The following LATS2 variants were observed in gnomAD, a reference collection of about 807,000 sequenced individuals.
LATS2 encodes large tumor suppressor kinase 2.
LATS2 carries 24 observed loss-of-function variants against 76.0 expected under a neutral mutation model. That is an observed-to-expected ratio of 0.32 (90% confidence interval 0.23 to 0.44). The LOEUF (loss-of-function observed/expected upper bound fraction) is 0.44. Ranked by LOEUF, LATS2 falls within the 20% of genes least tolerant of loss-of-function variation. The probability of loss-of-function intolerance (pLI) is 1.00; values close to 1 mark genes in which losing one functional copy is unlikely to be tolerated. For missense variants in LATS2, 1,286 were observed against 1,481.2 expected (o/e 0.87, Z 2.16); for synonymous variants, 692 against 635.4 (o/e 1.09, Z -1.34).
intron 2 of LATS2, among the ~76,000 whole-genome samples, chr13:21,025,829 G>A (rs932367986): frequency 4.6e-5 from 7 of 152,224 alleles, no homozygotes; most frequent in African/African-American, 1.7e-4. Flanking sequence ...GCAGAGCTGT[G>A]GAGATGCTAC....
At chr13:21,031,169 A>G (rs1872519269) in intron 2 of LATS2, among the ~76,000 whole-genome samples, 1 of 152,216 alleles carries the variant, frequency 6.6e-6, no homozygotes, top group South Asian at 2.1e-4. Flanking sequence ...TAAATATGAT[A>G]GGCCTAGGAG....
Position 20,974,991 on chromosome 13 carries a change from T to C in LATS2, c.3146A>G (p.Asn1049Ser). ...EFTFRRFFDD[N>S]GYPFRCPKPS... ...CTTTGGGCATCGAAAGGGGTAGCCA[T>C]TGTCATCAAAGAACCTTCGGAAGGT... Residue 1049 changes from asparagine to serine, a missense_variant, in exon 8 of 8, where the codon AAT (asparagine) becomes AGT (serine). Asn to Ser is a conservative substitution (Grantham distance 46). Around this residue, in one of 5 missense-constraint regions of LATS2, gnomAD observed 210 missense variants for 234.9 expected, o/e 0.89. Coordinates refer to ENST00000382592, the MANE Select transcript of LATS2 (RefSeq NM_014572.3). 6.2e-7 allele frequency: 1 copy of C among 1,614,224 alleles called. No homozygotes were observed. Among genetic ancestry groups the C allele is most frequent in the Non-Finnish European group, 8.5e-7 (1 of 1,180,044 alleles).
chr13:21,002,197 G>A (rs113653322), intron 2 of LATS2, among the ~76,000 whole-genome samples: 4,154 of 152,026 alleles, frequency 0.027, 193 homozygotes, highest in African/African-American at 0.095. Context: ...ACACGTGTGA[G>A]CCACTGCGCC....
At chr13:21,032,542 A>T (rs978591077) in intron 2 of LATS2, among the ~76,000 whole-genome samples, 1 of 152,140 alleles carries the variant, frequency 6.6e-6, no homozygotes, top group African/African-American at 2.4e-5. Context: ...CTGGGATTAT[A>T]GGGGTGAGCC....
intron 2 of LATS2, among the ~76,000 whole-genome samples, chr13:21,027,968 T>C (rs1425247886): frequency 6.6e-6 from 1 of 152,094 alleles, no homozygotes. Context: ...TTAGGGTACA[T>C]GTGCACAATG....
At chr13:20,975,979 G>A (rs1339547892) in intron 7 of LATS2, among the ~76,000 whole-genome samples, 2 of 152,140 alleles carry the variant, frequency 1.3e-5, no homozygotes, top group Non-Finnish European at 2.9e-5. Flanking sequence ...CCATCATGAC[G>A]CTCATTCAAA....
At position 21,045,699 on chromosome 13, in the gene LATS2, C is replaced by T. The variant is rs746455173; in HGVS notation, c.328G>A (p.Ala110Thr). The T allele has an allele frequency of 1.9e-6, 3 of 1,613,618 alleles. No individual in the cohort carries two copies. Among genetic ancestry groups the T allele is most frequent in the African/African-American group, 2.7e-5 (2 of 75,052 alleles). ...NRQMLQELVNAGCDQEMAGRA... is the reference protein window; with the variant it reads ...NRQMLQELVNTGCDQEMAGRA... ...TCTGTACCCACCTGGTCGCATCCTGCGTTCACCAGTTCCTGCAGCATTTGC... is the reference window on the plus strand; with the variant it reads ...TCTGTACCCACCTGGTCGCATCCTGTGTTCACCAGTTCCTGCAGCATTTGC... Residue 110 changes from alanine to threonine, a missense_variant, in exon 2 of 8, where the codon GCA becomes ACA. This residue lies in a region of LATS2 where 101 missense variants were observed against 141.4 expected (regional missense o/e 0.71). Transcript: ENST00000382592.
intron 2 of LATS2, among the ~76,000 whole-genome samples, chr13:21,030,718 G>A (rs1160252150): frequency 6.6e-6 from 1 of 150,998 alleles, no homozygotes; most frequent in Non-Finnish European, 1.5e-5. Context: ...TATCAATAAA[G>A]TATTGTTTTT....
intron 6 of LATS2, among the ~76,000 whole-genome samples, chr13:20,980,659 C>A (rs1033239283): frequency 6.6e-6 from 1 of 152,200 alleles, no homozygotes; most frequent in African/African-American, 2.4e-5. Context: ...TAGACCTTCA[C>A]TGGGCACCAA....
At chr13:20,993,204 C>A (rs1358539450) in intron 2 of LATS2, among the ~76,000 whole-genome samples, 6 of 152,188 alleles carry the variant, frequency 3.9e-5, no homozygotes, top group Admixed American at 3.9e-4. Context: ...CTGGATAGGG[C>A]ATTGTGGTGC....
chr13:21,056,149 TG>T lies in LATS2; in HGVS notation c.-205+5196del, dbSNP rs199759999. Among the ~76,000 whole-genome samples, 468 of 151,452 alleles carry T rather than the reference TG, an allele frequency of 3.1e-3. 3 individuals are homozygous for T. The highest frequency in any genetic ancestry group is 4.0e-3 in the Non-Finnish European group (269 of 67,782). On this transcript the variant is annotated intron_variant, in intron 1 of 7. Transcript: ENST00000382592. The stretch of plus-strand genomic sequence containing the variant: ...GGTAGAATTGGGTCTTTTTTTTTGG[TG>T]GGGGGGGCAGGGTCTCACTCTGGTT...
Position 20,988,097 on chromosome 13 carries a change from G to C in LATS2, c.1683C>G (p.Ala561=). Residue 561 remains alanine, a synonymous_variant, in exon 4 of 8, where the codon GCC becomes GCG. Coordinates refer to ENST00000382592, the MANE Select transcript of LATS2 (RefSeq NM_014572.3). The stretch of plus-strand genomic sequence containing the variant: ...TATCCTTTCCGCCTTTGTCCCCCTT[G>C]GCGCTTTTGCGGCTCTTGTCGCCGC... ...PEGGDKSRKS[A]KGDKGGKDKK... 6.2e-7 allele frequency: 1 copy of C among 1,614,262 alleles called. No homozygotes were observed. The highest frequency in any genetic ancestry group is 1.7e-5 in the Admixed American group (1 of 60,034).
intron 2 of LATS2, among the ~76,000 whole-genome samples, chr13:21,016,577 G>A (rs1249060357): frequency 2.0e-5 from 3 of 152,168 alleles, no homozygotes; most frequent in Non-Finnish European, 2.9e-5. Context: ...ACCATGCTCA[G>A]CCAGTTCATT....
chr13:21,032,258 G>T (rs1872552552), intron 2 of LATS2, among the ~76,000 whole-genome samples: 1 of 149,228 alleles, frequency 6.7e-6, no homozygotes, highest in Admixed American at 6.8e-5. Flanking sequence ...TGTTCTTATG[G>T]CTTACCACTT....
At chr13:21,033,122 GA>G (rs1054746367) in intron 2 of LATS2, among the ~76,000 whole-genome samples, 105 of 139,622 alleles carry the variant, frequency 7.5e-4, no homozygotes, top group Admixed American at 3.1e-3. Flanking sequence ...ACACTTAAGA[GA>G]AAAAAAAAAA....
At chr13:20,979,281 A>G (rs1302338926) in intron 7 of LATS2, among the ~76,000 whole-genome samples, 1 of 152,170 alleles carries the variant, frequency 6.6e-6, no homozygotes, top group Non-Finnish European at 1.5e-5. Flanking sequence ...TTGACTGTGC[A>G]GGGGGTTTGG....
chr13:21,009,094 C>T (rs531979820), intron 2 of LATS2, among the ~76,000 whole-genome samples: 4 of 152,282 alleles, frequency 2.6e-5, no homozygotes, highest in Admixed American at 2.0e-4. Flanking sequence ...GCGATTTGGG[C>T]CAGAACTGAG....
rs182146691 is a variant in LATS2 at position 20,984,880 on chromosome 13, A to G, written c.1900-1074T>C. On this transcript the variant is annotated intron_variant, in intron 4 of 7. Transcript: ENST00000382592. ...AAAGCAATCCTAGGCAAAAAGAACA[A>G]AATTGTTACCTGACTTCAAAATATG... 7.5e-4 allele frequency among the ~76,000 whole-genome samples: 115 copies of G among 152,338 alleles called. 1 individual carries two copies. The highest frequency in any genetic ancestry group is 1.1e-3 in the Non-Finnish European group (76 of 68,038).
At chr13:21,030,608 A>G (rs112423366) in intron 2 of LATS2, among the ~76,000 whole-genome samples, 1,017 of 25,516 alleles carry the variant, frequency 0.04, 27 homozygotes, top group African/African-American at 0.067. Context: ...AAAAAAAAAA[A>G]AAAGAAAAAA....
Sources: allele counts gnomAD v4.1 joint callset (sites outside exome capture counted in the v4.1 genomes callset), GRCh38; gene constraint gnomAD v4.1.1; regional missense constraint gnomAD v4.1.1; transcripts MANE v1.5; gene names NCBI Gene and HGNC (gene_info 2026-07-23, HGNC 2026-07-21).